Variants in NUAK2 observed in about 807,000 individuals in gnomAD.
NUAK2 encodes the protein NUAK family kinase 2, also known as NUAK family SNF1-like kinase 2.
In NUAK2, 20 loss-of-function variants were observed where a neutral mutation model predicts 29.8. The ratio of observed to expected loss-of-function variants is 0.67; its 90% CI spans 0.47 to 0.98. The LOEUF is 0.98. NUAK2 is among the 50% of genes least tolerant of loss of function. The probability of loss-of-function intolerance (pLI) is 0.00; values close to 1 mark genes in which losing one functional copy is unlikely to be tolerated. For missense variants in NUAK2, 719 were observed against 834.5 expected, an observed-to-expected ratio of 0.86 and a Z score of 1.71; for synonymous variants, 331 against 342.6, an observed-to-expected ratio of 0.97 and a Z score of 0.37.
At position 205,312,158 on chromosome 1, in the gene NUAK2, G is replaced by A. The variant is rs562325506; in HGVS notation, c.232-333C>T. Among the ~76,000 whole-genome samples the A allele has an allele frequency of 3.9e-5, 6 of 152,336 alleles. No homozygotes were observed. The South Asian group carries it at 1.2e-3, about 32-fold the overall frequency. ...AATTATAAAGCAAACGTGCCAATCTGCACCATGAGGACAAGGACCAGCCAG... is the reference window on the plus strand; with the variant it reads ...AATTATAAAGCAAACGTGCCAATCTACACCATGAGGACAAGGACCAGCCAG... On this transcript the variant is annotated intron_variant, in intron 1 of 6. Transcript: ENST00000367157.
chr1:205,316,241 T>A (rs758556931), intron 1 of NUAK2, among the ~76,000 whole-genome samples: 10 of 152,224 alleles, frequency 6.6e-5, no homozygotes, highest in Non-Finnish European at 1.2e-4. Flanking sequence ...CATGTCCTCA[T>A]CTGAAAAACG....
In NUAK2 at chr1:205,302,538, G is replaced by T. The variant is rs1359659614; in HGVS notation, c.*912C>A. The T allele has an allele frequency of 6.6e-6, 1 of 152,398 alleles. No individual in the cohort carries two copies. The highest frequency in any genetic ancestry group is 1.5e-5 in the Non-Finnish European group (1 of 68,104). The allele number at this position is 152,398 out of a possible 1,614,324, so 9.4% of individuals were successfully genotyped here. On this transcript the variant is annotated 3_prime_UTR_variant, in exon 7 of 7. Transcript: ENST00000367157. ...AGGCTCAGGCCAGGTTTGGAGGATG[G>T]AAAAGGGAAGAGAACCATTGAAGAA...
chr1:205,305,334 G>A lies in NUAK2; in HGVS notation c.691-3C>T, dbSNP rs759668032. 4.3e-6 allele frequency: 7 copies of A among 1,613,106 alleles called. No individual in the cohort carries two copies. In the South Asian group the frequency reaches 6.6e-5, roughly 15 times the overall value. On this transcript the variant is annotated splice_polypyrimidine_tract_variant and splice_region_variant and intron_variant, in intron 5 of 6. Coordinates refer to ENST00000367157, the MANE Select transcript of NUAK2 (RefSeq NM_030952.3). ...ACACCCAGGGACCAGCTGTCCACCT[G>A]AGAGAGATGGGGGAGGTCAGCAGGG...
Position 205,306,219 on chromosome 1 carries a change from A to G in NUAK2, c.659T>C (p.Ile220Thr), listed in dbSNP as rs1300457625. Residue 220 changes from isoleucine to threonine, a missense_variant, in exon 5 of 7, where the codon ATT becomes ACT. Ile to Thr is a moderately conservative substitution (Grantham distance 89). Coordinates refer to ENST00000367157, the MANE Select transcript of NUAK2 (RefSeq NM_030952.3). ...CGSPLYASPE[I>T]VNGKPYTGPE... The stretch of plus-strand genomic sequence containing the variant: ...GCCTGTGTAGGGCTTCCCATTGACA[A>G]TCTCTGGCGAGGCATAGAGGGGGCT... The G allele has an allele frequency of 3.1e-6, 5 of 1,613,558 alleles. No homozygotes were observed. In the Admixed American group the frequency reaches 6.7e-5, roughly 22 times the overall value.
At chr1:205,316,721 C>T (rs911584695) in intron 1 of NUAK2, among the ~76,000 whole-genome samples, 2 of 152,212 alleles carry the variant, frequency 1.3e-5, no homozygotes, top group African/African-American at 2.4e-5. Flanking sequence ...GCTACTATGC[C>T]AGGAAGGTGC....
In NUAK2 at chr1:205,311,700, TG is replaced by T. The variant is rs1432869155; in HGVS notation, c.352+4del. The stretch of plus-strand genomic sequence containing the variant: ...CCAAGTTCCAGCTTTAAGTGCCCAC[TG>T]TACCTTCATGGATGGCAATGATGTG... On this transcript the variant is annotated splice_donor_region_variant and intron_variant, in intron 2 of 6. Coordinates refer to ENST00000367157, the MANE Select transcript of NUAK2 (RefSeq NM_030952.3). 2.2e-5 allele frequency: 35 copies of T among 1,614,032 alleles called. No homozygotes were observed. The highest frequency in any genetic ancestry group is 3.0e-5 in the Non-Finnish European group (35 of 1,179,990).
chr1:205,305,068 G>C lies in NUAK2; in HGVS notation c.823+131C>G, dbSNP rs921136520. The C allele has an allele frequency of 7.7e-6, 9 of 1,167,486 alleles. No individual in the cohort carries two copies. In the African/African-American group the frequency reaches 1.4e-4, roughly 18 times the overall value. The allele number at this position is 1,167,486 out of a possible 1,614,324, so 72.3% of individuals were successfully genotyped here. ...CTCAACATTGGACATACGGTGGAGG[G>C]TACCCTAACCTACCATGGGCCATGA... On this transcript the variant is annotated intron_variant, in intron 6 of 6. Transcript: ENST00000367157.
At position 205,316,969 on chromosome 1, in the gene NUAK2, A is replaced by T. The variant is rs530077156; in HGVS notation, c.231+4429T>A. 3.9e-5 allele frequency among the ~76,000 whole-genome samples: 6 copies of T among 152,330 alleles called. No individual in the cohort carries two copies. The South Asian group carries it at 1.0e-3, about 26-fold the overall frequency. On this transcript the variant is annotated intron_variant, in intron 1 of 6. Transcript: ENST00000367157. ...CACAATCAGGACTGAAGATGGAAGG[A>T]TGGTGCCTGGAGAAGCTTCCATCTC...
At chr1:205,305,078 C>T in intron 6 of NUAK2, 121 bp downstream of exon 6, 1 of 1,308,182 alleles carries the variant, frequency 7.6e-7, no homozygotes, top group Non-Finnish European at 1.1e-6. Flanking sequence ...GTACCCTAAC[C>T]TACCATGGGC....
chr1:205,315,367 A>G (rs78046055), intron 1 of NUAK2, among the ~76,000 whole-genome samples: 5,188 of 152,328 alleles, frequency 0.034, 121 homozygotes, highest in South Asian at 0.094. Flanking sequence ...AAAGTGTTCA[A>G]CAATTGTTTA....
rs749495415 is a variant in NUAK2 at position 205,303,822 on chromosome 1, A to G, written c.1515T>C (p.Asn505=). ...LLHRKGILKL[N]GKFSQTALEL... ...CCAAGGCTGTCTGGGAGAACTTGCC[A>G]TTGAGTTTGAGGATGCCTTTGCGAT... The change falls in exon 7 of 7, where the codon AAT becomes AAC. Residue 505 remains asparagine, a synonymous_variant. Transcript: ENST00000367157. 4 of 1,598,844 alleles carry G rather than the reference A, an allele frequency of 2.5e-6. No individual in the cohort carries two copies. Among genetic ancestry groups the G allele is most frequent in the African/African-American group, 2.7e-5 (2 of 74,354 alleles).
chr1:205,306,081 T>TTA, intron 5 of NUAK2, 107 bp downstream of exon 5: 1 of 1,440,148 alleles, frequency 6.9e-7, no homozygotes, highest in Non-Finnish European at 9.3e-7. Context: ...GCTTGAGAGT[T>TTA]GTGCTCTGAA....
At chr1:205,305,177 A>G (rs770167565) in intron 6 of NUAK2, 22 bp downstream of exon 6, 23 of 1,610,720 alleles carry the variant, frequency 1.4e-5, no homozygotes, top group Non-Finnish European at 1.9e-5. Context: ...CCTGGATAAG[A>G]ACGCCCACAC....
Position 205,311,765 on chromosome 1 carries a change from G to A in NUAK2, c.292C>T (p.Arg98Trp), listed in dbSNP as rs372631048. 2.4e-5 allele frequency: 38 copies of A among 1,613,998 alleles called. No individual in the cohort carries two copies. The highest frequency in any genetic ancestry group is 4.0e-5 in the African/African-American group (3 of 74,920). Residue 98 changes from arginine (R) to tryptophan (W), a missense_variant, in exon 2 of 7, where the codon CGG (arginine) becomes TGG (tryptophan). Arg to Trp is a moderately radical substitution (Grantham distance 101, BLOSUM62 -3). Transcript: ENST00000367157. ...GATGACATGATCTCAATCTCCCTCC[G>A]TATGTGCATCAGATCTTGCTCATCT... is the stretch of plus-strand genomic sequence containing the variant. ...IKDEQDLMHI[R>W]REIEIMSSLN...
intron 1 of NUAK2, 96 bp downstream of exon 1, chr1:205,321,302 G>A: frequency 8.8e-7 from 1 of 1,131,072 alleles, no homozygotes; most frequent in Non-Finnish European, 1.2e-6. Flanking sequence ...TGGCCTCTCC[G>A]CCGAGCAACG....
rs1662177046 is a variant in NUAK2, at chr1:205,306,193, G to A, written c.685C>T (p.Pro229Ser). The A allele has an allele frequency of 1.9e-6, 3 of 1,609,894 alleles. No individual in the cohort carries two copies. The East Asian group carries it at 6.7e-5, about 36-fold the overall frequency. ...EIVNGKPYTG[P>S]EVDSWSLGVL... ...AGGGGAGGGTGGCCACTTACCTCTG[G>A]GCCTGTGTAGGGCTTCCCATTGACA... Residue 229 changes from proline (P) to serine (S), a missense_variant, in exon 5 of 7, where the codon CCA becomes TCA. Physicochemically the swap from Pro to Ser is moderately conservative, Grantham distance 74. Around this residue, in one of 3 missense-constraint regions of NUAK2, gnomAD observed 283 missense variants for 345.6 expected, o/e 0.82. Transcript: ENST00000367157.
At position 205,320,987 on chromosome 1, in the gene NUAK2, A is replaced by G. The variant is rs77079950; in HGVS notation, c.231+411T>C. 3.6e-3 allele frequency among the ~76,000 whole-genome samples: 551 copies of G among 152,234 alleles called. 3 individuals are homozygous for G. Among genetic ancestry groups the G allele is most frequent in the African/African-American group, 0.013 (526 of 41,544 alleles). On this transcript the variant is annotated intron_variant, in intron 1 of 6. Transcript: ENST00000367157. ...CATCCATTCATTCAACCACACACAT[A>G]TTTACCAAATACCTATTAAGATGGG...
rs1662091511 is a variant in NUAK2 at position 205,302,539 on chromosome 1, A to C, written c.*911T>G. 1 of 152,426 alleles carries C rather than the reference A, an allele frequency of 6.6e-6. No homozygotes were observed. Among genetic ancestry groups the C allele is most frequent in the African/African-American group, 2.4e-5 (1 of 41,474 alleles). 9.4% of individuals were successfully genotyped at this position (152,426 alleles called of 1,614,324 possible). A position where few individuals can be genotyped will look rare whatever the true frequency, so the allele number is the denominator to read the frequency against. ...GGCTCAGGCCAGGTTTGGAGGATGG[A>C]AAAGGGAAGAGAACCATTGAAGAAA... is the stretch of plus-strand genomic sequence containing the variant. On this transcript the variant is annotated 3_prime_UTR_variant, in exon 7 of 7. Coordinates refer to ENST00000367157, the MANE Select transcript of NUAK2 (RefSeq NM_030952.3).
chr1:205,315,069 T>A (rs1246180239), intron 1 of NUAK2, among the ~76,000 whole-genome samples: 1 of 152,178 alleles, frequency 6.6e-6, no homozygotes, highest in Admixed American at 6.5e-5. Flanking sequence ...GTTTGTGCTC[T>A]GGCATCAGGG....
Sources: allele counts gnomAD v4.1 joint callset (sites outside exome capture counted in the v4.1 genomes callset), GRCh38; gene constraint gnomAD v4.1.1; regional missense constraint gnomAD v4.1.1; transcripts MANE v1.5; gene names NCBI Gene and HGNC (gene_info 2026-07-23, HGNC 2026-07-21).